The following RIMS2 variants were observed in gnomAD, a reference collection of about 807,000 sequenced individuals.
The protein encoded by RIMS2 is regulating synaptic membrane exocytosis protein 2.
A neutral mutation model predicts 174.4 loss-of-function variants in RIMS2; 59 were observed. The ratio of observed to expected loss-of-function variants is 0.34; its 90% CI spans 0.27 to 0.42. The LOEUF is 0.42. Among genes scored for constraint, RIMS2 ranks in the 10% least tolerant of loss-of-function variants. RIMS2 has a pLI of 1.00. For synonymous variants in RIMS2, 606 were observed against 572.5 expected (o/e 1.06, Z -0.84); for missense variants, 1,620 against 1,666.3 (o/e 0.97, Z 0.48).
chr8:103,665,260 G>T (rs2096654349), intron 1 of RIMS2, among the ~76,000 whole-genome samples: 1 of 152,190 alleles, frequency 6.6e-6, no homozygotes, highest in Non-Finnish European at 1.5e-5. Context: ...ATGTACCCTA[G>T]AACTTAAAGT....
At chr8:103,994,478 ACTTT>A (rs2094940948) in intron 17 of RIMS2, among the ~76,000 whole-genome samples, 1 of 152,110 alleles carries the variant, frequency 6.6e-6, no homozygotes, top group African/African-American at 2.4e-5. Context: ...AATATAACTT[ACTTT>A]ATTTGTTTAG....
At chr8:103,668,407 G>T (rs554687426) in intron 1 of RIMS2, among the ~76,000 whole-genome samples, 1 of 152,316 alleles carries the variant, frequency 6.6e-6, no homozygotes, top group South Asian at 2.1e-4. Context: ...CTTCTTGTAT[G>T]AGAAAGCTTC....
Position 103,782,449 on chromosome 8 carries a change from TG to T in RIMS2, c.698+15913del, listed in dbSNP as rs1232356693. Reference sequence around the variant, plus strand: ...CATAAATCCCGTGTGTGTGTGTGTGTGTGTGTGTGTGTGTGTGTACTTACAG... The same window carrying T: ...CATAAATCCCGTGTGTGTGTGTGTGTTGTGTGTGTGTGTGTGTACTTACAG... On this transcript the variant is annotated intron_variant, in intron 3 of 23. Transcript: ENST00000504942. Among the ~76,000 whole-genome samples, 3 of 151,884 alleles carry T rather than the reference TG, an allele frequency of 2.0e-5. No homozygotes were observed. In the East Asian group the frequency reaches 5.8e-4, roughly 29 times the overall value.
At chr8:104,194,631 C>A (rs969011877) in intron 19 of RIMS2, among the ~76,000 whole-genome samples, 1 of 151,996 alleles carries the variant, frequency 6.6e-6, no homozygotes, top group African/African-American at 2.4e-5. Context: ...AAGTGTCTGA[C>A]CCAGAGTGGG....
At chr8:104,230,154 A>C (rs759977098) in intron 19 of RIMS2, among the ~76,000 whole-genome samples, 1 of 151,680 alleles carries the variant, frequency 6.6e-6, no homozygotes, top group African/African-American at 2.4e-5. Flanking sequence ...TGGTGCATGC[A>C]TGTAATCCCA....
At chr8:104,062,900 A>C (rs966563733) in intron 19 of RIMS2, among the ~76,000 whole-genome samples, 2 of 152,042 alleles carry the variant, frequency 1.3e-5, no homozygotes, top group Admixed American at 1.3e-4. Context: ...TCAATGGTTT[A>C]AATTAATTAA....
intron 18 of RIMS2, 33 bp from the exon 21 acceptor site, chr8:104,014,473 T>C: frequency 8.4e-7 from 1 of 1,190,062 alleles, no homozygotes; most frequent in South Asian, 1.3e-5. Context: ...TAACTCATTA[T>C]ACTGAAAATG....
chr8:103,538,919 T>C (rs1370607757), intron 1 of RIMS2, among the ~76,000 whole-genome samples: 1 of 152,266 alleles, frequency 6.6e-6, no homozygotes, highest in Non-Finnish European at 1.5e-5. Context: ...CTTAGAATAA[T>C]AGTTTCTAAT....
chr8:103,536,245 G>A (rs953948799), intron 1 of RIMS2, among the ~76,000 whole-genome samples: 2 of 152,174 alleles, frequency 1.3e-5, no homozygotes, highest in African/African-American at 4.8e-5. Flanking sequence ...ACAAACAAGG[G>A]CACTTTTGTG....
At chr8:103,744,132 G>A (rs1388993677) in intron 2 of RIMS2, among the ~76,000 whole-genome samples, 2 of 152,142 alleles carry the variant, frequency 1.3e-5, no homozygotes, top group African/African-American at 2.4e-5. Context: ...TGCAACCTCT[G>A]CCTCCCAGGT....
chr8:103,852,190 G>C (rs1309731092), intron 3 of RIMS2, among the ~76,000 whole-genome samples: 2 of 151,990 alleles, frequency 1.3e-5, no homozygotes, highest in Non-Finnish European at 2.9e-5. Context: ...TGGTTTGCCT[G>C]AGGGGAATTA....
intron 3 of RIMS2, among the ~76,000 whole-genome samples, chr8:103,774,232 T>C (rs2098285590): frequency 6.6e-6 from 1 of 152,210 alleles, no homozygotes; most frequent in South Asian, 2.1e-4. Context: ...AATAAATAAA[T>C]AATAAACTGG....
intron 17 of RIMS2, among the ~76,000 whole-genome samples, chr8:104,004,472 A>G (rs1171430680): frequency 6.6e-6 from 1 of 152,120 alleles, no homozygotes; most frequent in Non-Finnish European, 1.5e-5. Flanking sequence ...GTGAGGTGTC[A>G]TGGATGACTT....
At chr8:104,000,577 CA>C (rs1168877973) in intron 17 of RIMS2, among the ~76,000 whole-genome samples, 1 of 151,688 alleles carries the variant, frequency 6.6e-6, no homozygotes, top group East Asian at 1.9e-4. Flanking sequence ...ATATACCTAG[CA>C]AAGGGATTGC....
At position 103,719,403 on chromosome 8, in the gene RIMS2, A is replaced by T. The variant is rs376149705; in HGVS notation, c.387+22107A>T. Among the ~76,000 whole-genome samples, 11 of 152,324 alleles carry T rather than the reference A, an allele frequency of 7.2e-5. No homozygotes were observed. In the East Asian group the frequency reaches 1.7e-3, roughly 24 times the overall value. On this transcript the variant is annotated intron_variant, in intron 2 of 23. Transcript: ENST00000504942. ...AGTATGCAGCAGGGAAGCCATACAAACATCTAGAGTTGATTTTCTTCAGAA... is the reference window on the plus strand; with the variant it reads ...AGTATGCAGCAGGGAAGCCATACAATCATCTAGAGTTGATTTTCTTCAGAA...
At chr8:103,524,559 T>C (rs922981304) in intron 1 of RIMS2, among the ~76,000 whole-genome samples, 12 of 152,146 alleles carry the variant, frequency 7.9e-5, no homozygotes, top group African/African-American at 2.7e-4. Flanking sequence ...CTCCTAGGGC[T>C]GGCAGAGAAA....
At chr8:104,113,391 T>C (rs2098226192) in intron 19 of RIMS2, among the ~76,000 whole-genome samples, 2 of 152,146 alleles carry the variant, frequency 1.3e-5, no homozygotes, top group Admixed American at 6.6e-5. Context: ...ACATTTGTAA[T>C]TATTATAAAG....
At chr8:103,727,951 A>G (rs1466217399) in intron 2 of RIMS2, among the ~76,000 whole-genome samples, 1 of 151,068 alleles carries the variant, frequency 6.6e-6, no homozygotes, top group East Asian at 1.9e-4. Flanking sequence ...AAATTTTAGT[A>G]TTTTTTTTTA....
At chr8:104,078,235 A>C (rs1296952791) in intron 19 of RIMS2, among the ~76,000 whole-genome samples, 2 of 151,146 alleles carry the variant, frequency 1.3e-5, no homozygotes, top group Admixed American at 1.3e-4. Context: ...ATTTGTGATT[A>C]ATCTTCGATT....
Sources: allele counts gnomAD v4.1 joint callset (sites outside exome capture counted in the v4.1 genomes callset), GRCh38; gene constraint gnomAD v4.1.1; transcripts MANE v1.5; gene names NCBI Gene and HGNC (gene_info 2026-07-23, HGNC 2026-07-21).